The following ASCC3 variants were observed in gnomAD, a reference collection of about 807,000 sequenced individuals.
ASCC3 encodes the protein ASC-1 complex subunit P200.
Under a neutral mutation model 256.3 loss-of-function variants are expected in ASCC3, and 158 were observed. The ratio of observed to expected loss-of-function variants is 0.62; its 90% confidence interval spans 0.54 to 0.70. The LOEUF is 0.70. Ranked by LOEUF, ASCC3 falls within the 30% of genes least tolerant of loss-of-function variation. The probability of loss-of-function intolerance (pLI) is 0.00; values close to 1 mark genes in which losing one functional copy is unlikely to be tolerated. For missense variants in ASCC3, 2,259 were observed against 2,626.0 expected (o/e 0.86, Z 3.05); for synonymous variants, 948 against 883.4 (o/e 1.07, Z -1.30).
intron 36 of ASCC3, among the ~76,000 whole-genome samples, chr6:100,577,102 T>A (rs1770910974): frequency 6.7e-6 from 1 of 149,708 alleles, no homozygotes. Flanking sequence ...CAGAAAAAAA[T>A]TCATGCAAAT....
chr6:100,880,654 A>C (rs1299134048), intron 1 of ASCC3, among the ~76,000 whole-genome samples: 3 of 152,202 alleles, frequency 2.0e-5, no homozygotes, highest in African/African-American at 7.2e-5. Flanking sequence ...TTTACTTTCC[A>C]GTGTGTTGGG....
intron 10 of ASCC3, among the ~76,000 whole-genome samples, chr6:100,762,343 T>C (rs998058661): frequency 2.6e-5 from 4 of 152,188 alleles, no homozygotes; most frequent in Non-Finnish European, 4.4e-5. Context: ...AGGAGAAATC[T>C]CTAACCAGTG....
intron 39 of ASCC3, among the ~76,000 whole-genome samples, chr6:100,514,003 T>C (rs911037686): frequency 1.3e-5 from 2 of 152,080 alleles, no homozygotes; most frequent in East Asian, 1.9e-4. Context: ...CTTTAATATA[T>C]ACTATAGATT....
chr6:100,798,552 AT>A (rs1159310438), intron 8 of ASCC3, among the ~76,000 whole-genome samples, 160 bp downstream of exon 8: 1 of 152,110 alleles, frequency 6.6e-6, no homozygotes, highest in Non-Finnish European at 1.5e-5. Context: ...TAGTGTATAT[AT>A]TTTTTAAACT....
intron 1 of ASCC3, among the ~76,000 whole-genome samples, chr6:100,875,202 T>C (rs9404058): frequency 0.11 from 17,113 of 152,044 alleles, 1,648 homozygotes; most frequent in East Asian, 0.31. Context: ...AGGATGGATT[T>C]AGGAGATCAG....
chr6:100,796,323 C>T (rs1002637722), intron 8 of ASCC3, among the ~76,000 whole-genome samples: 1 of 152,004 alleles, frequency 6.6e-6, no homozygotes, highest in South Asian at 2.1e-4. Flanking sequence ...GCAATATGAC[C>T]CAGCAAATGC....
At chr6:100,787,968 T>G (rs1253760866) in intron 8 of ASCC3, among the ~76,000 whole-genome samples, 1 of 151,980 alleles carries the variant, frequency 6.6e-6, no homozygotes. Context: ...GAGTTTTTTT[T>G]TTTGTTTATA....
intron 3 of ASCC3, among the ~76,000 whole-genome samples, chr6:100,850,608 T>A (rs1772617795): frequency 6.6e-6 from 1 of 152,206 alleles, no homozygotes; most frequent in Admixed American, 6.5e-5. Context: ...TGCTATTCAA[T>A]CATGTGTAGA....
intron 33 of ASCC3, among the ~76,000 whole-genome samples, chr6:100,602,278 C>G (rs1772659787): frequency 6.6e-6 from 1 of 151,818 alleles, no homozygotes; most frequent in East Asian, 1.9e-4. Context: ...AAAAAGTGGG[C>G]TAGTTAGAAT....
intron 13 of ASCC3, among the ~76,000 whole-genome samples, chr6:100,687,188 G>A (rs1403760616): frequency 6.6e-6 from 1 of 151,984 alleles, no homozygotes; most frequent in African/African-American, 2.4e-5. Context: ...CTATAGAGGT[G>A]TATGTGAATG....
chr6:100,845,846 T>G (rs1413385975), intron 4 of ASCC3, among the ~76,000 whole-genome samples: 1 of 152,174 alleles, frequency 6.6e-6, no homozygotes, highest in Non-Finnish European at 1.5e-5. Context: ...AATTAGTCAT[T>G]ATGTCAATTA....
intron 4 of ASCC3, among the ~76,000 whole-genome samples, chr6:100,812,937 A>AATGG (rs1467121814): frequency 2.8e-5 from 4 of 140,898 alleles, no homozygotes; most frequent in African/African-American, 1.0e-4. Flanking sequence ...CTCAAAATTG[A>AATGG]ATGGATGGAT....
chr6:100,558,305 C>G (rs1347004347), intron 36 of ASCC3, among the ~76,000 whole-genome samples: 3 of 152,012 alleles, frequency 2.0e-5, no homozygotes, highest in Non-Finnish European at 4.4e-5. Context: ...AAGTGAAAAG[C>G]ATTGTACCCT....
chr6:100,566,319 T>C (rs180684196), intron 36 of ASCC3, among the ~76,000 whole-genome samples: 188 of 152,308 alleles, frequency 1.2e-3, no homozygotes, highest in African/African-American at 4.4e-3. Context: ...AGGGATTAAA[T>C]AGCTTGCCAG....
intron 4 of ASCC3, among the ~76,000 whole-genome samples, chr6:100,823,057 G>C (rs142242393): frequency 6.6e-6 from 1 of 152,234 alleles, no homozygotes; most frequent in Non-Finnish European, 1.5e-5. Context: ...CCTAGCAAAA[G>C]AGATAAAAAG....
chr6:100,839,663 A>G (rs1252389077), intron 4 of ASCC3, among the ~76,000 whole-genome samples: 1 of 152,198 alleles, frequency 6.6e-6, no homozygotes, highest in African/African-American at 2.4e-5. Context: ...ACTTGCCAAA[A>G]GAGGTTGGTA....
At chr6:100,821,984 G>A (rs771578206) in intron 4 of ASCC3, among the ~76,000 whole-genome samples, 11 of 152,084 alleles carry the variant, frequency 7.2e-5, no homozygotes, top group Non-Finnish European at 1.3e-4. Flanking sequence ...ACAGAAAGTA[G>A]ATAATTGGTT....
At chr6:100,874,817 G>C (rs1486809715) in intron 1 of ASCC3, among the ~76,000 whole-genome samples, 1 of 152,058 alleles carries the variant, frequency 6.6e-6, no homozygotes, top group African/African-American at 2.4e-5. Context: ...ATATAAAGAA[G>C]GAAGCTGAGC....
intron 14 of ASCC3, among the ~76,000 whole-genome samples, chr6:100,673,257 GA>G (rs1438236525): frequency 6.6e-6 from 1 of 151,828 alleles, no homozygotes; most frequent in Non-Finnish European, 1.5e-5. Context: ...TAAATAAATA[GA>G]AAAATTAAAA....
Sources: gnomAD v4.1 joint callset for allele counts (sites outside exome capture counted in the v4.1 genomes callset) on GRCh38, gnomAD v4.1.1 for gene constraint, MANE v1.5 for transcripts, NCBI Gene and HGNC (gene_info 2026-07-23, HGNC 2026-07-21) for gene names.